DNAAF9: variants seen among roughly 807,000 people sequenced by gnomAD.
The protein encoded by DNAAF9 is shulin.
Under a neutral mutation model 167.0 loss-of-function variants are expected in DNAAF9, and 90 were observed. The ratio of observed to expected loss-of-function variants is 0.54; its 90% CI spans 0.45 to 0.64. The LOEUF (loss-of-function observed/expected upper bound fraction) is 0.64. Among genes scored for constraint, DNAAF9 ranks in the 30% least tolerant of loss-of-function variants. The pLI, the probability that DNAAF9 is intolerant of heterozygous loss-of-function variation, is 0.00. For synonymous variants in DNAAF9, 491 were observed against 508.8 expected (o/e 0.96, Z 0.47); for missense variants, 1,315 against 1,442.2 (o/e 0.91, Z 1.43).
intron 14 of DNAAF9, among the ~76,000 whole-genome samples, chr20:3,324,566 G>A (rs1332419757): frequency 6.6e-6 from 1 of 152,168 alleles, no homozygotes; most frequent in Non-Finnish European, 1.5e-5. Context: ...AGGGCCCTCT[G>A]CCCCTAGAAA....
intron 7 of DNAAF9, among the ~76,000 whole-genome samples, chr20:3,359,007 T>C (rs967854594): frequency 5.9e-5 from 9 of 152,208 alleles, no homozygotes; most frequent in African/African-American, 2.2e-4. Context: ...TACCCATTTG[T>C]TTAAACACTG....
chr20:3,301,199 T>G (rs2122970844), intron 21 of DNAAF9, among the ~76,000 whole-genome samples: 1 of 151,476 alleles, frequency 6.6e-6, no homozygotes, highest in Non-Finnish European at 1.5e-5. Flanking sequence ...TTTTTTTTCT[T>G]TTTTTGAGAT....
chr20:3,343,204 C>T (rs546269776), intron 9 of DNAAF9, among the ~76,000 whole-genome samples: 7 of 152,128 alleles, frequency 4.6e-5, no homozygotes, highest in Non-Finnish European at 1.0e-4. Context: ...CTCTTGTTGC[C>T]CAGGCTGAAG....
At position 3,290,116 on chromosome 20, in the gene DNAAF9, C is replaced by G; in HGVS notation, c.2327+13G>C. Reference sequence around the variant, plus strand: ...ATCCCTTTCCCCAAAGCAAAGGCATCAGCCATACTAACCTGCCACATTCCT... The same window carrying G: ...ATCCCTTTCCCCAAAGCAAAGGCATGAGCCATACTAACCTGCCACATTCCT... On this transcript the variant is annotated intron_variant, in intron 26 of 36. Coordinates refer to ENST00000252032, the MANE Select transcript of DNAAF9 (RefSeq NM_001009984.3). 1.3e-6 allele frequency: 2 copies of G among 1,562,918 alleles called. No individual in the cohort carries two copies. The highest frequency in any genetic ancestry group is 1.8e-6 in the Non-Finnish European group (2 of 1,133,342).
rs760529450 is a variant in DNAAF9 at position 3,381,748 on chromosome 20, CTGAA to C, written c.164-254_164-251del. On this transcript the variant is annotated intron_variant, in intron 2 of 36. Coordinates refer to ENST00000252032, the MANE Select transcript of DNAAF9 (RefSeq NM_001009984.3). ...CACAGATTATGGAGCCTGTTAATTTCTGAAAAGGATTCATCTTGGAATGCTTTCA... is the reference window on the plus strand; with the variant it reads ...CACAGATTATGGAGCCTGTTAATTTCAAGGATTCATCTTGGAATGCTTTCA... 1.6e-3 allele frequency among the ~76,000 whole-genome samples: 243 copies of C among 152,304 alleles called. 1 individual carries two copies. The highest frequency in any genetic ancestry group is 2.3e-3 in the Non-Finnish European group (159 of 68,018).
At chr20:3,331,658 G>A (rs952923987) in intron 11 of DNAAF9, among the ~76,000 whole-genome samples, 5 of 152,002 alleles carry the variant, frequency 3.3e-5, no homozygotes, top group Admixed American at 6.6e-5. Context: ...TTCCCACTGC[G>A]GACCCCACCT....
In DNAAF9 at chr20:3,376,281, G is replaced by A. The variant is rs779631164; in HGVS notation, c.305C>T (p.Ser102Leu). ...ATTACAGTACAGATGGACGCTATCC[G>A]ATTTAATCAATATAATTACATCTGT... ...VLDDVIILIKSDSVHLYCNPV... is the reference protein window; with the variant it reads ...VLDDVIILIKLDSVHLYCNPV... The change falls in exon 4 of 37, where the codon TCG becomes TTG. Residue 102 changes from serine (S) to leucine (L), a missense_variant. Ser to Leu is a moderately radical substitution (Grantham distance 145). Coordinates refer to ENST00000252032, the MANE Select transcript of DNAAF9 (RefSeq NM_001009984.3). The A allele has an allele frequency of 3.1e-6, 5 of 1,609,308 alleles. No homozygotes were observed. The highest frequency in any genetic ancestry group is 2.7e-5 in the African/African-American group (2 of 74,770).
Position 3,340,519 on chromosome 20 carries a change from G to A in DNAAF9, c.966C>T (p.Ser322=). Residue 322 remains serine, a synonymous_variant, in exon 10 of 37, where the codon AGC becomes AGT. Coordinates refer to ENST00000252032, the MANE Select transcript of DNAAF9 (RefSeq NM_001009984.3). ...HLVRSTGPGG[S]FAKHMVAQCV... ...AGCCACTTACCATGTGCTTGGCAAA[G>A]CTCCCGCCGGGACCAGTGCTTCGTA... 2 of 1,486,174 alleles carry A rather than the reference G, an allele frequency of 1.3e-6. No homozygotes were observed. The highest frequency in any genetic ancestry group is 1.1e-5 in the South Asian group (1 of 89,392). The allele number at this position is 1,486,174 out of a possible 1,614,324, so 92.1% of individuals were successfully genotyped here.
rs1380200517 is a variant in DNAAF9, at chr20:3,252,468, G to A, written c.*104C>T. 1 of 716,898 alleles carries A rather than the reference G, an allele frequency of 1.4e-6. No homozygotes were observed. Among genetic ancestry groups the A allele is most frequent in the Non-Finnish European group, 2.5e-6 (1 of 393,752 alleles). The allele number at this position is 716,898 out of a possible 1,614,324, so 44.4% of individuals were successfully genotyped here. The stretch of plus-strand genomic sequence containing the variant: ...GCCCACACAGGCCAAGGAGAACAAA[G>A]ACAGCCCCTTAAGGGAGAGGCCTCC... On this transcript the variant is annotated 3_prime_UTR_variant, in exon 37 of 37. Transcript: ENST00000252032.
chr20:3,354,708 C>T lies in DNAAF9; in HGVS notation c.690+4808G>A, dbSNP rs547734707. On this transcript the variant is annotated intron_variant, in intron 7 of 36. Transcript: ENST00000252032. Reference sequence around the variant, plus strand: ...CACATGACTCCTCTAAGAAGCAATCCTGAGCACTTCCAGGCAGAGTTGTCA... The same window carrying T: ...CACATGACTCCTCTAAGAAGCAATCTTGAGCACTTCCAGGCAGAGTTGTCA... Among the ~76,000 whole-genome samples the T allele has an allele frequency of 6.6e-5, 10 of 152,322 alleles. 1 individual carries two copies. Among genetic ancestry groups the T allele is most frequent in the African/African-American group, 2.4e-4 (10 of 41,576 alleles).
intron 1 of DNAAF9, among the ~76,000 whole-genome samples, chr20:3,396,649 A>G (rs1169910858): frequency 6.6e-6 from 1 of 152,190 alleles, no homozygotes; most frequent in Non-Finnish European, 1.5e-5. Context: ...ATAAAGACCT[A>G]AAGGAAGTGA....
intron 33 of DNAAF9, among the ~76,000 whole-genome samples, chr20:3,256,507 A>G (rs976686414): frequency 6.6e-6 from 1 of 152,068 alleles, no homozygotes; most frequent in African/African-American, 2.4e-5. Context: ...GGGAGATCCC[A>G]TTTTGTTTTG....
At chr20:3,381,923 C>T (rs982917592) in intron 2 of DNAAF9, among the ~76,000 whole-genome samples, 4 of 152,272 alleles carry the variant, frequency 2.6e-5, no homozygotes, top group Admixed American at 6.5e-5. Flanking sequence ...GAACCACAAA[C>T]ACCCATCACT....
intron 36 of DNAAF9, 24 bp downstream of exon 36, chr20:3,253,702 G>C: frequency 7.0e-7 from 1 of 1,428,958 alleles, no homozygotes; most frequent in South Asian, 1.1e-5. Flanking sequence ...GTTCCACACA[G>C]GGACCACGCT....
intron 1 of DNAAF9, among the ~76,000 whole-genome samples, chr20:3,394,406 TGTTTA>T (rs1267356924): frequency 1.3e-5 from 2 of 152,130 alleles, no homozygotes; most frequent in African/African-American, 4.8e-5. Flanking sequence ...CTCTAGATTT[TGTTTA>T]TAGTCTCTTT....
intron 21 of DNAAF9, 30 bp downstream of exon 21, chr20:3,304,410 A>G: frequency 2.0e-6 from 2 of 1,016,674 alleles, no homozygotes; most frequent in Non-Finnish European, 3.1e-6. Context: ...CTTTCCGACC[A>G]AAAAAGCCAC....
Position 3,340,504 on chromosome 20 carries a change from C to A in DNAAF9, c.981G>T (p.Met327Ile), listed in dbSNP as rs1306483595. The A allele has an allele frequency of 2.1e-6, 3 of 1,463,046 alleles. No homozygotes were observed. In the African/African-American group the frequency reaches 4.3e-5, roughly 21 times the overall value. The allele number at this position is 1,463,046 out of a possible 1,614,324, so 90.6% of individuals were successfully genotyped here. Residue 327 changes from methionine (M) to isoleucine (I), a missense_variant and splice_region_variant, in exon 10 of 37, where the codon ATG becomes ATT. Met to Ile is a conservative substitution (Grantham distance 10). Around this residue, in one of 2 missense-constraint regions of DNAAF9, gnomAD observed 981 missense variants for 1,012.5 expected, o/e 0.97. Coordinates refer to ENST00000252032, the MANE Select transcript of DNAAF9 (RefSeq NM_001009984.3). The part of the protein sequence containing the change: ...TGPGGSFAKH[M>I]VAQCVSPKGP... The stretch of plus-strand genomic sequence containing the variant: ...AGCACCAGGCAGTCCAGCCACTTAC[C>A]ATGTGCTTGGCAAAGCTCCCGCCGG...
intron 1 of DNAAF9, among the ~76,000 whole-genome samples, chr20:3,393,852 T>C (rs2083862741): frequency 6.6e-6 from 1 of 152,220 alleles, no homozygotes; most frequent in Admixed American, 6.5e-5. Context: ...TTACCACTCT[T>C]CAACTAATGC....
At chr20:3,259,330 C>T (rs887017983) in intron 33 of DNAAF9, 150 bp downstream of exon 33, 4 of 675,496 alleles carry the variant, frequency 5.9e-6, no homozygotes, top group Non-Finnish European at 1.1e-5. Flanking sequence ...GATGGACAAG[C>T]CTGATGGCGT....
Sources: allele counts gnomAD v4.1 joint callset (sites outside exome capture counted in the v4.1 genomes callset), GRCh38; gene constraint gnomAD v4.1.1; regional missense constraint gnomAD v4.1.1; transcripts MANE v1.5; gene names NCBI Gene and HGNC (gene_info 2026-07-23, HGNC 2026-07-21).